The following ABCC3 variants were observed in gnomAD, a reference collection of about 807,000 sequenced individuals.
ABCC3 encodes the protein ATP binding cassette subfamily C member 3, also known as ATP-binding cassette sub-family C member 3.
A neutral mutation model predicts 165.3 loss-of-function variants in ABCC3; 121 were observed. That is an observed-to-expected ratio of 0.73 (90% CI 0.63 to 0.85). The LOEUF is 0.85. ABCC3 is among the 40% of genes least tolerant of loss of function. ABCC3 has a pLI of 0.00. For missense variants in ABCC3, 1,869 were observed against 1,964.1 expected, an observed-to-expected ratio of 0.95 and a Z score of 0.92; for synonymous variants, 733 against 810.1, an observed-to-expected ratio of 0.90 and a Z score of 1.62.
rs1192052758 is a variant in ABCC3, at chr17:50,679,797, G to A, written c.3706-1G>A. The A allele has an allele frequency of 6.2e-7, 1 of 1,614,032 alleles. No homozygotes were observed. The highest frequency in any genetic ancestry group is 8.5e-7 in the Non-Finnish European group (1 of 1,179,922). ...ACGTATAACCCAGTCCCTTTGGCCAGGTGACATTTGCTCTGAACTGGATGA... is the reference window on the plus strand; with the variant it reads ...ACGTATAACCCAGTCCCTTTGGCCAAGTGACATTTGCTCTGAACTGGATGA... On this transcript the variant is annotated splice_acceptor_variant, in intron 25 of 30. Transcript: ENST00000285238. LOFTEE classifies it high-confidence loss of function.
chr17:50,683,635 G>A lies in ABCC3; in HGVS notation c.3833G>A (p.Arg1278His), dbSNP rs759534433. The change falls in exon 27 of 31, where the codon CGC (arginine) becomes CAC (histidine). Residue 1278 changes from arginine (R) to histidine (H), a missense_variant. Arg to His is a conservative substitution (Grantham distance 29). Coordinates refer to ENST00000285238, the MANE Select transcript of ABCC3 (RefSeq NM_003786.4). ...GCGCCCTGGGTGGTGGAAGGCAGCC[G>A]CCCTCCCGAAGGTTGGCCCCCACGT... is the stretch of plus-strand genomic sequence containing the variant. ...TEAPWVVEGSRPPEGWPPRGE... is the reference protein window; with the variant it reads ...TEAPWVVEGSHPPEGWPPRGE... The A allele has an allele frequency of 5.0e-6, 8 of 1,586,192 alleles. No homozygotes were observed. Among genetic ancestry groups the A allele is most frequent in the Non-Finnish European group, 6.0e-6 (7 of 1,166,450 alleles).
rs751354684 is a variant in ABCC3, at chr17:50,676,410, G to A, written c.3200G>A (p.Arg1067His). 5.6e-6 allele frequency: 9 copies of A among 1,614,062 alleles called. No individual in the cohort carries two copies. The highest frequency in any genetic ancestry group is 4.5e-5 in the East Asian group (2 of 44,900). Residue 1067 changes from arginine (R) to histidine (H), a missense_variant, in exon 23 of 31, where the codon CGC becomes CAC. Physicochemically the swap from Arg to His is conservative, Grantham distance 29. Transcript: ENST00000285238. ...TTCTTTGACACCACACCATCAGGCC[G>A]CATCCTGAACTGCTTCTCCAAGGAC... Reference protein sequence around the residue: ...QSFFDTTPSGRILNCFSKDIY... With the variant: ...QSFFDTTPSGHILNCFSKDIY...
intron 13 of ABCC3, among the ~76,000 whole-genome samples, 163 bp downstream of exon 13, chr17:50,668,172 C>T (rs1209325708): frequency 1.3e-5 from 2 of 152,098 alleles, no homozygotes; most frequent in African/African-American, 4.8e-5. Flanking sequence ...TCATTAAGGT[C>T]AGGGGTCATT....
At position 50,687,528 on chromosome 17, in the gene ABCC3, A is replaced by C; in HGVS notation, c.4281-8A>C. On this transcript the variant is annotated splice_region_variant and splice_polypyrimidine_tract_variant and intron_variant, in intron 29 of 30. Transcript: ENST00000285238. ...CCAGCTGGAAATGCCTGCCTTCTCC[A>C]CTCCCAGCGTGGGCCAGAGGCAGCT... is the stretch of plus-strand genomic sequence containing the variant. 6.2e-7 allele frequency: 1 copy of C among 1,611,060 alleles called. No individual in the cohort carries two copies. Among genetic ancestry groups the C allele is most frequent in the Non-Finnish European group, 8.5e-7 (1 of 1,179,000 alleles).
chr17:50,646,061 A>G (rs78720850), intron 1 of ABCC3, among the ~76,000 whole-genome samples: 1 of 152,362 alleles, frequency 6.6e-6, no homozygotes, highest in African/African-American at 2.4e-5. Flanking sequence ...AAATCAGTAA[A>G]TTATATATCA....
intron 7 of ABCC3, among the ~76,000 whole-genome samples, chr17:50,659,985 C>G (rs1484547613): frequency 2.6e-5 from 4 of 152,104 alleles, no homozygotes; most frequent in Non-Finnish European, 5.9e-5. Context: ...GACCTTTTCT[C>G]AACAACAACA....
intron 6 of ABCC3, 190 bp downstream of exon 6, chr17:50,658,686 G>A (rs565261726): frequency 9.0e-6 from 6 of 670,386 alleles, no homozygotes; most frequent in Admixed American, 2.4e-5. Flanking sequence ...GGCCTGGCCT[G>A]GCCCAGTGCC....
rs375947911 is a variant in ABCC3 at position 50,675,985 on chromosome 17, G to A, written c.2962G>A (p.Ala988Thr). The A allele has an allele frequency of 1.2e-6, 2 of 1,614,088 alleles. No individual in the cohort carries two copies. The highest frequency in any genetic ancestry group is 1.7e-6 in the Non-Finnish European group (2 of 1,180,040). Residue 988 changes from alanine (A) to threonine (T), a missense_variant, in exon 22 of 31, where the codon GCC becomes ACC. Physicochemically the swap from Ala to Thr is moderately conservative, Grantham distance 58. Transcript: ENST00000285238. ...YVGQSAAAIG[A>T]NVWLSAWTND... Reference sequence around the variant, plus strand: ...GGGTCAAAGTGCGGCTGCCATTGGAGCCAATGTGTGGCTCAGTGCCTGGAC... The same window carrying A: ...GGGTCAAAGTGCGGCTGCCATTGGAACCAATGTGTGGCTCAGTGCCTGGAC...
At chr17:50,656,651 G>C (rs1967254920) in intron 2 of ABCC3, 51 bp from the exon 3 acceptor site, 1 of 1,569,058 alleles carries the variant, frequency 6.4e-7, no homozygotes, top group Non-Finnish European at 8.6e-7. Flanking sequence ...TCCCAGTGAG[G>C]ACTGTCCTTG....
At position 50,673,566 on chromosome 17, in the gene ABCC3, C is replaced by T; in HGVS notation, c.2507C>T (p.Pro836Leu). ...DGQVSEMGPY[P>L]ALLQRNGSFA... is the part of the protein sequence containing the mutation. The stretch of plus-strand genomic sequence containing the variant: ...CAGGTGTCTGAGATGGGCCCGTACC[C>T]AGCCCTGCTGCAGCGCAACGGCTCC... Residue 836 changes from proline (P) to leucine (L), a missense_variant, in exon 19 of 31, where the codon CCA becomes CTA. Coordinates refer to ENST00000285238, the MANE Select transcript of ABCC3 (RefSeq NM_003786.4). 1 of 1,614,226 alleles carries T rather than the reference C, an allele frequency of 6.2e-7. No homozygotes were observed. Among genetic ancestry groups the T allele is most frequent in the East Asian group, 2.2e-5 (1 of 44,886 alleles).
intron 6 of ABCC3, 36 bp from the exon 7 acceptor site, chr17:50,659,201 C>T (rs1053611748): frequency 3.1e-6 from 5 of 1,609,928 alleles, no homozygotes; most frequent in Non-Finnish European, 4.2e-6. Context: ...CCCTGACCCT[C>T]TGCGGGGCTG....
intron 2 of ABCC3, 58 bp from the exon 3 acceptor site, chr17:50,656,644 C>A: frequency 6.4e-7 from 1 of 1,550,660 alleles, no homozygotes; most frequent in Non-Finnish European, 8.7e-7. Flanking sequence ...GACCCCTTCC[C>A]AGTGAGGACT....
intron 26 of ABCC3, 119 bp from the exon 27 acceptor site, chr17:50,683,491 A>G: frequency 8.3e-7 from 1 of 1,201,142 alleles, no homozygotes; most frequent in Non-Finnish European, 1.1e-6. Context: ...CAGGGGTGCC[A>G]AGGACCCTCC....
chr17:50,640,381 A>G (rs1048652542), intron 1 of ABCC3, among the ~76,000 whole-genome samples: 10 of 152,186 alleles, frequency 6.6e-5, no homozygotes, highest in African/African-American at 2.4e-4. Flanking sequence ...ATGAGCGTGA[A>G]ATGATCATCC....
In ABCC3 at chr17:50,676,327, G is replaced by A. The variant is rs1226017574; in HGVS notation, c.3117G>A (p.Gln1039=). 1 of 1,614,126 alleles carries A rather than the reference G, an allele frequency of 6.2e-7. No individual in the cohort carries two copies. The highest frequency in any genetic ancestry group is 1.7e-5 in the Admixed American group (1 of 60,022). ...TGGCCATGGCAGCGGGTGGCATCCA[G>A]GCTGCCCGTGTGTTGCACCAGGCAC... ...AAMAMAAGGI[Q]AARVLHQALL... is the part of the protein sequence containing the mutation. Residue 1039 remains glutamine, a synonymous_variant, in exon 23 of 31, where the codon CAG becomes CAA. Transcript: ENST00000285238.
At chr17:50,671,518 G>C (rs561791316) in intron 17 of ABCC3, among the ~76,000 whole-genome samples, 15 of 152,004 alleles carry the variant, frequency 9.9e-5, no homozygotes, top group Middle Eastern at 6.8e-3. Context: ...CCTGAAACTA[G>C]GTAATTTATA....
At chr17:50,685,911 C>G (rs1024008043) in intron 29 of ABCC3, among the ~76,000 whole-genome samples, 1 of 152,138 alleles carries the variant, frequency 6.6e-6, no homozygotes, top group East Asian at 1.9e-4. Context: ...AAAACTAAAA[C>G]AAGGCCAGGC....
At chr17:50,653,065 G>T (rs895304635) in intron 1 of ABCC3, among the ~76,000 whole-genome samples, 1 of 152,172 alleles carries the variant, frequency 6.6e-6, no homozygotes, top group Non-Finnish European at 1.5e-5. Flanking sequence ...AAAGCTTTAG[G>T]CCGGGCACGG....
At chr17:50,651,007 G>C (rs76641380) in intron 1 of ABCC3, among the ~76,000 whole-genome samples, 1 of 140,226 alleles carries the variant, frequency 7.1e-6, no homozygotes. Context: ...GGAGGTTGCA[G>C]TGAGTCAAGA....
Sources: allele counts gnomAD v4.1 joint callset (sites outside exome capture counted in the v4.1 genomes callset), GRCh38; gene constraint gnomAD v4.1.1; transcripts MANE v1.5; gene names NCBI Gene and HGNC (gene_info 2026-07-23, HGNC 2026-07-21).